Variants in THSD7B observed in about 807,000 individuals in gnomAD.
THSD7B encodes thrombospondin type 1 domain containing 7B.
In THSD7B, 138 loss-of-function variants were observed where a neutral mutation model predicts 213.6. That is an observed-to-expected ratio of 0.65 (90% CI 0.56 to 0.74). The LOEUF (loss-of-function observed/expected upper bound fraction) is 0.74, where lower values mean the gene tolerates loss of function less well. Ranked by LOEUF, THSD7B falls within the 30% of genes least tolerant of loss-of-function variation. THSD7B has a pLI of 0.00. For synonymous variants in THSD7B, 742 were observed against 687.0 expected (o/e 1.08, Z -1.25); for missense variants, 1,931 against 1,991.5 (o/e 0.97, Z 0.58).
intron 15 of THSD7B, among the ~76,000 whole-genome samples, chr2:137,459,011 G>A (rs1573637708): frequency 6.6e-6 from 1 of 151,926 alleles, no homozygotes; most frequent in Admixed American, 6.6e-5. Flanking sequence ...CAGACATGTT[G>A]TAACAAGTTC....
At chr2:136,953,739 A>G (rs2105075205) in intron 2 of THSD7B, among the ~76,000 whole-genome samples, 1 of 152,310 alleles carries the variant, frequency 6.6e-6, no homozygotes, top group Middle Eastern at 3.4e-3. Context: ...GCCTGCAAAT[A>G]AACATCTATT....
intron 1 of THSD7B, among the ~76,000 whole-genome samples, chr2:136,801,697 G>A (rs1682182813): frequency 6.6e-6 from 1 of 152,068 alleles, no homozygotes. Flanking sequence ...CATTTTGAAA[G>A]CGAGGAGGAT....
chr2:137,316,552 G>T (rs1684108640), intron 12 of THSD7B, among the ~76,000 whole-genome samples: 1 of 152,174 alleles, frequency 6.6e-6, no homozygotes, highest in East Asian at 1.9e-4. Context: ...GAGGTGGGAG[G>T]ATCACGAGGT....
At chr2:137,498,329 T>A (rs1402387786) in intron 15 of THSD7B, among the ~76,000 whole-genome samples, 1 of 108,542 alleles carries the variant, frequency 9.2e-6, no homozygotes, top group African/African-American at 2.8e-5. Context: ...GGAGGGACAG[T>A]AAAGTCTTTT....
At chr2:137,481,866 T>A (rs1688315284) in intron 15 of THSD7B, among the ~76,000 whole-genome samples, 1 of 152,140 alleles carries the variant, frequency 6.6e-6, no homozygotes, top group Non-Finnish European at 1.5e-5. Flanking sequence ...CCTTGGACTA[T>A]TGGAAATAAC....
chr2:137,466,643 C>T (rs1017732459), intron 15 of THSD7B, among the ~76,000 whole-genome samples: 1 of 152,052 alleles, frequency 6.6e-6, no homozygotes, highest in Non-Finnish European at 1.5e-5. Context: ...GCTGCTTTAC[C>T]TTTTTCAAAT....
intron 14 of THSD7B, among the ~76,000 whole-genome samples, chr2:137,432,285 G>C (rs1022555603): frequency 6.6e-6 from 1 of 152,162 alleles, no homozygotes; most frequent in Non-Finnish European, 1.5e-5. Context: ...CAGCTACTCG[G>C]GAGGCTGAGG....
chr2:137,562,558 C>T (rs1206047739), intron 15 of THSD7B, among the ~76,000 whole-genome samples: 1 of 151,264 alleles, frequency 6.6e-6, no homozygotes, highest in Admixed American at 6.6e-5. Flanking sequence ...AGTCAGTAAT[C>T]ATGCAGAGCC....
chr2:137,291,154 C>G (rs895123207), intron 12 of THSD7B, among the ~76,000 whole-genome samples: 2 of 152,144 alleles, frequency 1.3e-5, no homozygotes, highest in Non-Finnish European at 2.9e-5. Context: ...CTCATCAGCT[C>G]TTGCTTTCTC....
At chr2:136,996,577 C>A (rs761534388) in intron 2 of THSD7B, among the ~76,000 whole-genome samples, 1 of 152,100 alleles carries the variant, frequency 6.6e-6, no homozygotes, top group Non-Finnish European at 1.5e-5. Context: ...AACCCCTGGG[C>A]TCAAGCAATC....
chr2:136,935,996 G>T (rs962350309), intron 2 of THSD7B, among the ~76,000 whole-genome samples: 1 of 146,672 alleles, frequency 6.8e-6, no homozygotes, highest in African/African-American at 2.5e-5. Context: ...TTTAAATTTA[G>T]AAATATATAT....
At chr2:137,569,034 A>T (rs796395183) in intron 16 of THSD7B, among the ~76,000 whole-genome samples, 10 of 152,306 alleles carry the variant, frequency 6.6e-5, no homozygotes, top group African/African-American at 2.4e-4. Context: ...GTCCAGTGGG[A>T]AAAATGTATT....
intron 15 of THSD7B, among the ~76,000 whole-genome samples, chr2:137,517,220 G>A (rs182136957): frequency 1.3e-5 from 2 of 152,322 alleles, no homozygotes; most frequent in East Asian, 3.9e-4. Flanking sequence ...CAACTCTCCA[G>A]CTTTGTGTCA....
chr2:137,629,380 C>A (rs759597229), intron 20 of THSD7B, among the ~76,000 whole-genome samples: 8 of 152,164 alleles, frequency 5.3e-5, no homozygotes, highest in Non-Finnish European at 8.8e-5. Context: ...TTCCAACATA[C>A]CACCTTTATG....
chr2:136,813,239 G>A (rs1682412700), intron 1 of THSD7B, among the ~76,000 whole-genome samples: 1 of 152,086 alleles, frequency 6.6e-6, no homozygotes, highest in Non-Finnish European at 1.5e-5. Context: ...ATTGACCTAT[G>A]TGTCAAACAG....
rs553000088 is a variant in THSD7B at position 136,788,236 on chromosome 2, G to C, written c.-36+22549G>C. The stretch of plus-strand genomic sequence containing the variant: ...CGCTGGGAGAGACCTTAAGCTACTA[G>C]AGTTATGCATACACTACAAATCACA... On this transcript the variant is annotated intron_variant, in intron 1 of 27. Transcript: ENST00000409968. 3.3e-5 allele frequency among the ~76,000 whole-genome samples: 5 copies of C among 152,294 alleles called. No homozygotes were observed. The South Asian group carries it at 1.0e-3, about 32-fold the overall frequency.
chr2:136,952,753 G>T (rs1685060758), intron 2 of THSD7B, among the ~76,000 whole-genome samples: 1 of 152,106 alleles, frequency 6.6e-6, no homozygotes, highest in South Asian at 2.1e-4. Context: ...GTGTTTTCTA[G>T]AGTCAAGTAC....
chr2:136,816,644 T>C (rs893170277), intron 1 of THSD7B, among the ~76,000 whole-genome samples: 7 of 152,218 alleles, frequency 4.6e-5, no homozygotes, highest in African/African-American at 1.7e-4. Flanking sequence ...TAGGATTTCT[T>C]GAGTGAAAGA....
intron 20 of THSD7B, among the ~76,000 whole-genome samples, chr2:137,623,989 G>C (rs1042228478): frequency 6.6e-6 from 1 of 151,994 alleles, no homozygotes; most frequent in Non-Finnish European, 1.5e-5. Context: ...TTTAAAGTTC[G>C]TATGGAACCA....
Sources: allele counts gnomAD v4.1 joint callset (sites outside exome capture counted in the v4.1 genomes callset), GRCh38; gene constraint gnomAD v4.1.1; transcripts MANE v1.5; gene names NCBI Gene and HGNC (gene_info 2026-07-23, HGNC 2026-07-21).